Variants in SHANK2 observed in about 807,000 individuals in gnomAD.
The protein encoded by SHANK2 is SH3 and multiple ankyrin repeat domains 2.
In SHANK2, 43 loss-of-function variants were observed where a neutral mutation model predicts 133.7. The observed-to-expected ratio is 0.32, with a 90% CI of 0.25 to 0.41. The LOEUF is 0.41. Among genes scored for constraint, SHANK2 ranks in the 10% least tolerant of loss-of-function variants. SHANK2 has a pLI of 1.00. For synonymous variants in SHANK2, 1,017 were observed against 952.8 expected, an observed-to-expected ratio of 1.07 and a Z score of -1.24; for missense variants, 1,994 against 2,235.8, an observed-to-expected ratio of 0.89 and a Z score of 2.18.
intron 6 of SHANK2, among the ~76,000 whole-genome samples, chr11:71,099,173 A>T (rs1304472295): frequency 6.6e-6 from 1 of 152,136 alleles, no homozygotes; most frequent in Non-Finnish European, 1.5e-5. Flanking sequence ...CCTGGGAAAC[A>T]ATCACCACCA....
At chr11:71,066,149 G>A (rs1370244974) in intron 9 of SHANK2, among the ~76,000 whole-genome samples, 3 of 4,828 alleles carry the variant, frequency 6.2e-4, no homozygotes, top group South Asian at 4.9e-3. Context: ...GAAGTTGGGT[G>A]GGGGGGGTGC....
Position 71,227,890 on chromosome 11 carries a change from G to A in SHANK2, c.-112-3094C>T, listed in dbSNP as rs565578696. On this transcript the variant is annotated intron_variant, in intron 1 of 25. Coordinates refer to ENST00000601538, the MANE Select transcript of SHANK2 (RefSeq NM_012309.5). ...CCAAACAAACCCAAAGCAAGCAGAA[G>A]GAAGAAAATAATAAACATATGAGTG... Among the ~76,000 whole-genome samples, 12 of 151,666 alleles carry A rather than the reference G, an allele frequency of 7.9e-5. No homozygotes were observed. The South Asian group carries it at 2.3e-3, about 29-fold the overall frequency.
chr11:71,245,702 C>G (rs1440680902), intron 1 of SHANK2, among the ~76,000 whole-genome samples: 1 of 152,220 alleles, frequency 6.6e-6, no homozygotes, highest in Non-Finnish European at 1.5e-5. Context: ...GAATGACCCT[C>G]GAGGGAGGGA....
At chr11:70,708,240 A>T (rs17428569) in intron 14 of SHANK2, among the ~76,000 whole-genome samples, 85,427 of 151,254 alleles carry the variant, frequency 0.56, 24,941 homozygotes, top group African/African-American at 0.71. Context: ...GGAACCTGTT[A>T]TACCCAAGAC....
intron 17 of SHANK2, among the ~76,000 whole-genome samples, chr11:70,658,282 GACACACACACACACACACAC>G (rs138823201): frequency 2.7e-5 from 3 of 111,560 alleles, no homozygotes; most frequent in Non-Finnish European, 5.2e-5. Context: ...CACACACACA[GACACACACACACACACACAC>G]ACACAGACAC....
intron 14 of SHANK2, among the ~76,000 whole-genome samples, chr11:70,731,022 C>CA (rs1197677449): frequency 1.3e-5 from 2 of 152,066 alleles, no homozygotes; most frequent in African/African-American, 2.4e-5. Context: ...TATGGACTAA[C>CA]CTGTGTGCCC....
intron 17 of SHANK2, among the ~76,000 whole-genome samples, chr11:70,591,556 GA>G (rs71049925): frequency 3.3e-5 from 5 of 150,528 alleles, no homozygotes; most frequent in East Asian, 2.0e-4. Flanking sequence ...AAAAGAAAAA[GA>G]AAAAAAAAGC....
intron 17 of SHANK2, among the ~76,000 whole-genome samples, chr11:70,513,328 TTTGG>T (rs1414652588): frequency 2.0e-5 from 3 of 152,198 alleles, no homozygotes; most frequent in Non-Finnish European, 4.4e-5. Flanking sequence ...CTCATAGGTC[TTTGG>T]TTGATGTCTG....
At chr11:70,770,232 G>A (rs556914285) in intron 14 of SHANK2, among the ~76,000 whole-genome samples, 4 of 152,340 alleles carry the variant, frequency 2.6e-5, no homozygotes, top group South Asian at 4.1e-4. Flanking sequence ...TGTGTCTCCT[G>A]CTCTTTGCCT....
intron 18 of SHANK2, 44 bp downstream of exon 18, chr11:70,502,752 C>T: frequency 2.2e-6 from 3 of 1,345,264 alleles, no homozygotes; most frequent in Non-Finnish European, 2.0e-6. Context: ...CCCCCCCCCC[C>T]CAGTAGGGCC....
intron 15 of SHANK2, among the ~76,000 whole-genome samples, chr11:70,689,056 G>A (rs554730073): frequency 1.2e-4 from 18 of 152,356 alleles, no homozygotes; most frequent in Admixed American, 5.2e-4. Context: ...GTTCACCTGA[G>A]CTCTGCCGTG....
At chr11:70,948,140 C>T (rs927410165) in intron 10 of SHANK2, among the ~76,000 whole-genome samples, 11 of 152,188 alleles carry the variant, frequency 7.2e-5, no homozygotes, top group Non-Finnish European at 1.2e-4. Flanking sequence ...CTGGTCTTTG[C>T]CCCAAATGTC....
intron 15 of SHANK2, among the ~76,000 whole-genome samples, chr11:70,680,338 G>A (rs1171116621): frequency 5.3e-5 from 8 of 152,294 alleles, no homozygotes; most frequent in South Asian, 2.1e-4. Flanking sequence ...CTGGGGGTCC[G>A]AGGTCTCACT....
At chr11:70,857,373 C>T (rs1949188524) in intron 11 of SHANK2, among the ~76,000 whole-genome samples, 1 of 152,204 alleles carries the variant, frequency 6.6e-6, no homozygotes, top group South Asian at 2.1e-4. Context: ...ACACCTGCTC[C>T]TAAGCAAAGC....
chr11:71,098,399 C>T (rs1229414835), intron 6 of SHANK2, among the ~76,000 whole-genome samples: 3 of 152,218 alleles, frequency 2.0e-5, no homozygotes, highest in African/African-American at 7.2e-5. Flanking sequence ...AGCGATTCTT[C>T]CTATGAGGGG....
At chr11:71,247,577 A>G (rs1409259637) in intron 1 of SHANK2, among the ~76,000 whole-genome samples, 15 of 151,130 alleles carry the variant, frequency 9.9e-5, no homozygotes, top group African/African-American at 3.6e-4. Flanking sequence ...TGCAGTGCTT[A>G]TGACCTCTAA....
At chr11:71,075,898 C>A (rs955851713) in intron 8 of SHANK2, among the ~76,000 whole-genome samples, 1 of 152,202 alleles carries the variant, frequency 6.6e-6, no homozygotes, top group Non-Finnish European at 1.5e-5. Flanking sequence ...ACTTGTGAAC[C>A]GTCAGGGCCC....
intron 20 of SHANK2, 151 bp downstream of exon 20, chr11:70,501,772 C>T: frequency 1.3e-6 from 1 of 781,876 alleles, no homozygotes; most frequent in South Asian, 1.7e-5. Context: ...ACGCTATCTA[C>T]ACACAGATCC....
intron 10 of SHANK2, among the ~76,000 whole-genome samples, chr11:70,902,766 A>T (rs575283650): frequency 1.3e-5 from 2 of 152,268 alleles, no homozygotes; most frequent in South Asian, 4.2e-4. Flanking sequence ...GCTGGTGCTG[A>T]CAAAGCCCCC....
Sources: gnomAD v4.1 joint callset for allele counts (sites outside exome capture counted in the v4.1 genomes callset) on GRCh38, gnomAD v4.1.1 for gene constraint, MANE v1.5 for transcripts, NCBI Gene and HGNC (gene_info 2026-07-23, HGNC 2026-07-21) for gene names.